UNC13C: variants seen among roughly 807,000 people sequenced by gnomAD.
UNC13C encodes unc-13 homolog C, also known as protein unc-13 homolog C.
UNC13C carries 174 observed loss-of-function variants against 245.4 expected under a neutral mutation model. The ratio of observed to expected loss-of-function variants is 0.71; its 90% CI spans 0.63 to 0.80. The LOEUF (loss-of-function observed/expected upper bound fraction) is 0.80. Among genes scored for constraint, UNC13C ranks in the 30% least tolerant of loss-of-function variants. UNC13C has a pLI of 0.00. For missense variants in UNC13C, 2,829 were observed against 2,602.9 expected (o/e 1.09, Z -1.89); for synonymous variants, 992 against 895.1 (o/e 1.11, Z -1.93).
At chr15:53,905,257 G>A in the UNC13C span, among the ~76,000 whole-genome samples, 1 of 152,046 alleles carries the variant, frequency 6.6e-6, no homozygotes, top group Non-Finnish European at 1.5e-5. Flanking sequence ...CTACTCTCAT[G>A]TTCATTGCAG....
At chr15:54,455,221 A>ATATATATATATG (rs1567289176) in intron 19 of UNC13C, among the ~76,000 whole-genome samples, 2 of 73,498 alleles carry the variant, frequency 2.7e-5, no homozygotes, top group African/African-American at 4.1e-5. Context: ...ATATATATAT[A>ATATATATATATG]TATATATATA....
At chr15:54,250,058 G>A (rs1159510026) in intron 7 of UNC13C, among the ~76,000 whole-genome samples, 167 bp from the exon 8 acceptor site, 2 of 151,982 alleles carry the variant, frequency 1.3e-5, no homozygotes, top group African/African-American at 2.4e-5. Context: ...AGAAGAATAG[G>A]TTAGCAGAGT....
chr15:54,304,394 T>G (rs957523779), intron 13 of UNC13C, among the ~76,000 whole-genome samples: 3 of 152,104 alleles, frequency 2.0e-5, no homozygotes, highest in Admixed American at 2.0e-4. Flanking sequence ...GTTATACATT[T>G]GATTTAAAAA....
chr15:53,868,680 A>C, the UNC13C span, among the ~76,000 whole-genome samples: 1 of 152,376 alleles, frequency 6.6e-6, no homozygotes, highest in Admixed American at 6.5e-5. Flanking sequence ...TCCTTAAAGA[A>C]GTAAAAATGA....
intron 2 of UNC13C, among the ~76,000 whole-genome samples, chr15:54,117,150 A>G (rs12911358): frequency 0.24 from 36,180 of 151,552 alleles, 4,665 homozygotes; most frequent in African/African-American, 0.31. Flanking sequence ...GAGTTATTTG[A>G]GCTCCTTATA....
chr15:54,199,530 C>A (rs2034456124), intron 4 of UNC13C, among the ~76,000 whole-genome samples: 1 of 151,952 alleles, frequency 6.6e-6, no homozygotes, highest in Non-Finnish European at 1.5e-5. Flanking sequence ...GATTGGAGTC[C>A]TATTTTTGAC....
chr15:54,089,355 G>T (rs1899430557), intron 2 of UNC13C, among the ~76,000 whole-genome samples: 1 of 152,202 alleles, frequency 6.6e-6, no homozygotes, highest in South Asian at 2.1e-4. Context: ...GCTTAATGAG[G>T]AGGACTTGGG....
At chr15:54,556,553 G>A (rs964665791) in intron 29 of UNC13C, among the ~76,000 whole-genome samples, 2 of 151,972 alleles carry the variant, frequency 1.3e-5, no homozygotes, top group Admixed American at 6.6e-5. Context: ...AGTTTCTAAA[G>A]AGGTAGCCAA....
In UNC13C at chr15:54,000,816, G is replaced by A. The variant is rs529602651; in HGVS notation, c.-256-11832G>A. On this transcript the variant is annotated intron_variant, in intron 1 of 32. Coordinates refer to ENST00000260323, the MANE Select transcript of UNC13C (RefSeq NM_001080534.3). ...GGCACTCTTTAGACTTCATAAATTA[G>A]ACTTGTGGACATCTAATCAATGTAC... Among the ~76,000 whole-genome samples the A allele has an allele frequency of 2.6e-5, 4 of 152,228 alleles. No homozygotes were observed. In the South Asian group the frequency reaches 8.3e-4, roughly 32 times the overall value.
At chr15:54,415,315 A>G (rs1181736569) in intron 19 of UNC13C, among the ~76,000 whole-genome samples, 1 of 152,150 alleles carries the variant, frequency 6.6e-6, no homozygotes, top group African/African-American at 2.4e-5. Flanking sequence ...CACTGATAGG[A>G]TTATGCTCAT....
intron 19 of UNC13C, among the ~76,000 whole-genome samples, chr15:54,489,975 C>A (rs1178443392): frequency 6.6e-6 from 1 of 152,124 alleles, no homozygotes; most frequent in African/African-American, 2.4e-5. Context: ...CCCAATTACT[C>A]TTTTGTTGAA....
intron 19 of UNC13C, among the ~76,000 whole-genome samples, chr15:54,475,174 G>C (rs1044088934): frequency 6.6e-6 from 1 of 151,876 alleles, no homozygotes; most frequent in Non-Finnish European, 1.5e-5. Context: ...TAGTTGCCTA[G>C]ACCAGTGTTC....
intron 1 of UNC13C, among the ~76,000 whole-genome samples, chr15:53,995,695 C>A (rs1310274222): frequency 2.6e-5 from 4 of 152,008 alleles, no homozygotes; most frequent in African/African-American, 7.2e-5. Flanking sequence ...CAGCAGGTCC[C>A]ATTGTCGTGG....
chr15:53,983,425 C>T (rs1446831750), intron 1 of UNC13C, among the ~76,000 whole-genome samples: 1 of 151,898 alleles, frequency 6.6e-6, no homozygotes, highest in African/African-American at 2.4e-5. Flanking sequence ...ATTTCCTTGT[C>T]ACTTTCAAAG....
chr15:54,384,042 A>G (rs1280461568), intron 17 of UNC13C, among the ~76,000 whole-genome samples: 1 of 152,178 alleles, frequency 6.6e-6, no homozygotes, highest in Non-Finnish European at 1.5e-5. Flanking sequence ...TTACTTGTTC[A>G]TGAATCAGAA....
In UNC13C at chr15:54,501,396, A is replaced by G. The variant is rs28649518; in HGVS notation, c.5301+418A>G. 3.9e-3 allele frequency among the ~76,000 whole-genome samples: 590 copies of G among 152,264 alleles called. 7 individuals are homozygous for G. Among genetic ancestry groups the G allele is most frequent in the African/African-American group, 0.013 (553 of 41,546 alleles). ...AAAACTGATTTCTGATTACAAATCA[A>G]CCAATAATTGTAATTGAATCTCAAT... is the stretch of plus-strand genomic sequence containing the variant. On this transcript the variant is annotated intron_variant, in intron 22 of 32. Coordinates refer to ENST00000260323, the MANE Select transcript of UNC13C (RefSeq NM_001080534.3).
intron 12 of UNC13C, among the ~76,000 whole-genome samples, chr15:54,299,548 C>T (rs1482026744): frequency 6.6e-6 from 1 of 152,132 alleles, no homozygotes; most frequent in East Asian, 1.9e-4. Flanking sequence ...CACTCACTTC[C>T]TTCTGCAAAT....
chr15:54,363,015 A>G (rs2140868677), intron 17 of UNC13C, among the ~76,000 whole-genome samples: 1 of 152,368 alleles, frequency 6.6e-6, no homozygotes, highest in East Asian at 1.9e-4. Context: ...CACAAGTGCA[A>G]GATCTCAGAG....
rs955209578 is a variant in UNC13C, at chr15:54,102,444, T to A, written c.2984-40574T>A. Among the ~76,000 whole-genome samples the A allele has an allele frequency of 2.5e-4, 38 of 152,336 alleles. No homozygotes were observed. The South Asian group carries it at 6.0e-3, about 24-fold the overall frequency. ...CAGACTTGCTGCTGTACGACATGCT[T>A]GTGTATGTCACACTCTGGATACACA... On this transcript the variant is annotated intron_variant, in intron 2 of 32. Transcript: ENST00000260323.
Sources: gnomAD v4.1 joint callset for allele counts (sites outside exome capture counted in the v4.1 genomes callset) on GRCh38, gnomAD v4.1.1 for gene constraint, MANE v1.5 for transcripts, NCBI Gene and HGNC (gene_info 2026-07-23, HGNC 2026-07-21) for gene names.